Variants in ADAMTS6 observed in about 807,000 individuals in gnomAD.
ADAMTS6 encodes the protein A disintegrin and metalloproteinase with thrombospondin motifs 6.
ADAMTS6 carries 23 observed loss-of-function variants against 144.3 expected under a neutral mutation model. That is an observed-to-expected ratio of 0.16 (90% CI 0.11 to 0.23). ADAMTS6 has a LOEUF of 0.23. ADAMTS6 is among the 10% of genes least tolerant of loss of function. The pLI, the probability that ADAMTS6 is intolerant of heterozygous loss-of-function variation, is 1.00. For missense variants in ADAMTS6, 999 were observed against 1,379.6 expected (o/e 0.72, Z 4.37); for synonymous variants, 444 against 457.5 (o/e 0.97, Z 0.38).
At chr5:65,200,118 C>T (rs982846131) in intron 20 of ADAMTS6, among the ~76,000 whole-genome samples, 4 of 152,092 alleles carry the variant, frequency 2.6e-5, no homozygotes, top group African/African-American at 7.2e-5. Flanking sequence ...TATTCCAAAT[C>T]TTCCTACAAC....
At position 65,204,241 on chromosome 5, in the gene ADAMTS6, T is replaced by C. The variant is rs147950623; in HGVS notation, c.2576-7090A>G. Among the ~76,000 whole-genome samples, 607 of 152,306 alleles carry C rather than the reference T, an allele frequency of 4.0e-3. 5 individuals carry two copies. The highest frequency in any genetic ancestry group is 0.014 in the African/African-American group (590 of 41,566). On this transcript the variant is annotated intron_variant, in intron 20 of 24. Transcript: ENST00000381055. The stretch of plus-strand genomic sequence containing the variant: ...AAAATATGCAGGATAATTCAAAGAA[T>C]TTTTGTAAAAGTAGTTATATAGGAG...
chr5:65,387,692 T>G (rs969904189), intron 7 of ADAMTS6, among the ~76,000 whole-genome samples: 2 of 152,194 alleles, frequency 1.3e-5, no homozygotes, highest in Admixed American at 1.3e-4. Flanking sequence ...GTTCACCTCA[T>G]GTGGATTTTC....
At chr5:65,257,261 C>T (rs889529825) in intron 14 of ADAMTS6, among the ~76,000 whole-genome samples, 5 of 152,044 alleles carry the variant, frequency 3.3e-5, no homozygotes, top group African/African-American at 1.2e-4. Flanking sequence ...TCTTTGAACT[C>T]CTTTACCTCC....
intron 11 of ADAMTS6, among the ~76,000 whole-genome samples, chr5:65,285,187 C>T (rs1320388894): frequency 6.6e-6 from 1 of 152,118 alleles, no homozygotes; most frequent in Non-Finnish European, 1.5e-5. Context: ...TTTCTGGCAT[C>T]TTGCTGCTTT....
intron 7 of ADAMTS6, among the ~76,000 whole-genome samples, chr5:65,341,040 C>G (rs1320159333): frequency 6.6e-6 from 1 of 151,840 alleles, no homozygotes; most frequent in Non-Finnish European, 1.5e-5. Flanking sequence ...AAGGAAACAT[C>G]AGATGTTCAA....
chr5:65,460,497 T>G (rs1424729772), intron 3 of ADAMTS6, among the ~76,000 whole-genome samples, 159 bp from the exon 4 acceptor site: 1 of 152,226 alleles, frequency 6.6e-6, no homozygotes, highest in African/African-American at 2.4e-5. Flanking sequence ...AATTAAAACA[T>G]TATATAAATG....
intron 9 of ADAMTS6, among the ~76,000 whole-genome samples, chr5:65,324,941 A>G (rs1212611558): frequency 1.3e-5 from 2 of 152,202 alleles, no homozygotes; most frequent in Non-Finnish European, 2.9e-5. Context: ...GTGATATGTG[A>G]TATGGATTAC....
intron 22 of ADAMTS6, among the ~76,000 whole-genome samples, chr5:65,174,436 C>G (rs72758889): frequency 0.055 from 8,316 of 152,296 alleles, 323 homozygotes; most frequent in Admixed American, 0.077. Flanking sequence ...GAGAGCACTC[C>G]TGGGTAGGCA....
chr5:65,286,612 A>G (rs1044121021), intron 11 of ADAMTS6, among the ~76,000 whole-genome samples: 2 of 152,380 alleles, frequency 1.3e-5, no homozygotes, highest in South Asian at 4.1e-4. Context: ...TAGATGAACA[A>G]TCAGCTCTTA....
Position 65,215,468 on chromosome 5 carries a change from A to G in ADAMTS6, c.2292T>C (p.Asp764=). The part of the protein sequence containing the change: ...KNYIALKSEG[D]DYYINGAWTI... The stretch of plus-strand genomic sequence containing the variant: ...TCCAGGCACCATTAATATAGTAATC[A>G]TCTCCTTCAGATTTTAAAGCTAGAA... The change falls in exon 19 of 25, where the codon GAT becomes GAC. Residue 764 remains aspartate (D), a synonymous_variant. Coordinates refer to ENST00000381055, the MANE Select transcript of ADAMTS6 (RefSeq NM_197941.4). The G allele has an allele frequency of 6.2e-7, 1 of 1,605,594 alleles. No individual in the cohort carries two copies. Among genetic ancestry groups the G allele is most frequent in the African/African-American group, 1.3e-5 (1 of 74,588 alleles).
chr5:65,372,202 C>T (rs375612925), intron 7 of ADAMTS6, among the ~76,000 whole-genome samples: 2 of 135,430 alleles, frequency 1.5e-5, no homozygotes, highest in East Asian at 2.0e-4. Context: ...CATCAACTAC[C>T]GAGCAAAATA....
chr5:65,345,127 T>C (rs1748196684), intron 7 of ADAMTS6, among the ~76,000 whole-genome samples: 2 of 151,954 alleles, frequency 1.3e-5, no homozygotes, highest in South Asian at 4.1e-4. Context: ...TAGTAAGTGT[T>C]TATAATGTTT....
In ADAMTS6 at chr5:65,371,733, AAG is replaced by A. The variant is rs564274946; in HGVS notation, c.1074-37650_1074-37649del. On this transcript the variant is annotated intron_variant, in intron 7 of 24. Coordinates refer to ENST00000381055, the MANE Select transcript of ADAMTS6 (RefSeq NM_197941.4). Reference sequence around the variant, plus strand: ...TCCAGGAGAACTTCCCCAATCTAGCAAGGCAGGCCAACATTCAGATGCAGGAA... The same window carrying A: ...TCCAGGAGAACTTCCCCAATCTAGCAGCAGGCCAACATTCAGATGCAGGAA... Among the ~76,000 whole-genome samples, 1,031 of 152,308 alleles carry A rather than the reference AAG, an allele frequency of 6.8e-3. 8 individuals are homozygous for A. The highest frequency in any genetic ancestry group is 0.023 in the African/African-American group (943 of 41,546).
intron 24 of ADAMTS6, among the ~76,000 whole-genome samples, chr5:65,160,785 T>C (rs1384203519): frequency 2.6e-5 from 4 of 151,936 alleles, no homozygotes; most frequent in Middle Eastern, 3.4e-3. Context: ...CCCAAGTAGC[T>C]GGGATTACAG....
chr5:65,440,715 T>C (rs998697666), intron 7 of ADAMTS6, among the ~76,000 whole-genome samples: 10 of 152,030 alleles, frequency 6.6e-5, no homozygotes, highest in Non-Finnish European at 1.0e-4. Context: ...CAACATTAAA[T>C]ATAGGGCCTA....
At chr5:65,449,054 A>T (rs1758522564) in intron 7 of ADAMTS6, among the ~76,000 whole-genome samples, 1 of 152,220 alleles carries the variant, frequency 6.6e-6, no homozygotes, top group Non-Finnish European at 1.5e-5. Context: ...TTTAAATATT[A>T]AAGATGATAC....
chr5:65,407,216 T>C (rs1379857914), intron 7 of ADAMTS6, among the ~76,000 whole-genome samples: 3 of 151,640 alleles, frequency 2.0e-5, no homozygotes, highest in Non-Finnish European at 4.4e-5. Context: ...AAGGAAAAAA[T>C]GTTAAGGGCA....
chr5:65,210,664 G>C, intron 20 of ADAMTS6: 3 of 619,694 alleles, frequency 4.8e-6, no homozygotes, highest in South Asian at 4.6e-5. Flanking sequence ...ACAATTCCCT[G>C]GTTATGATTC....
At chr5:65,171,161 C>T (rs1753602430) in intron 23 of ADAMTS6, among the ~76,000 whole-genome samples, 2 of 152,100 alleles carry the variant, frequency 1.3e-5, no homozygotes, top group South Asian at 2.1e-4. Flanking sequence ...AGGCACCCGC[C>T]ACCACATCCG....
Sources: allele counts gnomAD v4.1 joint callset (sites outside exome capture counted in the v4.1 genomes callset), GRCh38; gene constraint gnomAD v4.1.1; transcripts MANE v1.5; gene names NCBI Gene and HGNC (gene_info 2026-07-23, HGNC 2026-07-21).